The following PCDHA10 variants were observed in gnomAD, a reference collection of about 807,000 sequenced individuals.
The protein encoded by PCDHA10 is protocadherin alpha-10.
Under a neutral mutation model 61.2 loss-of-function variants are expected in PCDHA10, and 45 were observed. That is an observed-to-expected ratio of 0.74 (90% confidence interval 0.58 to 0.94). The LOEUF (loss-of-function observed/expected upper bound fraction) is 0.94, where lower values mean the gene tolerates loss of function less well. PCDHA10 is among the 40% of genes least tolerant of loss of function. The pLI is 0.00. For missense variants in PCDHA10, 1,278 were observed against 1,236.2 expected (o/e 1.03, Z -0.51); for synonymous variants, 602 against 548.8 (o/e 1.10, Z -1.35).
intron 3 of PCDHA10, among the ~76,000 whole-genome samples, chr5:140,996,256 A>C (rs2097718697): frequency 6.6e-6 from 1 of 152,252 alleles, no homozygotes. Flanking sequence ...TGACAGCAAC[A>C]CAGAGCCTGG....
At chr5:140,955,623 T>C (rs2095210763) in intron 1 of PCDHA10, among the ~76,000 whole-genome samples, 1 of 152,208 alleles carries the variant, frequency 6.6e-6, no homozygotes, top group Non-Finnish European at 1.5e-5. Context: ...GGCAGTTCTT[T>C]ATAGCAGTGT....
chr5:140,972,754 C>T (rs782389999), intron 1 of PCDHA10, among the ~76,000 whole-genome samples: 1 of 151,316 alleles, frequency 6.6e-6, no homozygotes, highest in African/African-American at 2.4e-5. Flanking sequence ...ACCTCCGCCT[C>T]CCAAGTTAAA....
rs560256618 is a variant in PCDHA10 at position 140,999,889 on chromosome 5, C to T, written c.2537-9738C>T. Among the ~76,000 whole-genome samples the T allele has an allele frequency of 2.0e-5, 3 of 152,292 alleles. No homozygotes were observed. In the East Asian group the frequency reaches 5.8e-4, roughly 29 times the overall value. ...TTACTGAAAATTAGCCCAGCTGTAG[C>T]TTGGGACACCAAACAGCCAAAAAAT... On this transcript the variant is annotated intron_variant, in intron 3 of 3. Coordinates refer to ENST00000307360, the MANE Select transcript of PCDHA10 (RefSeq NM_018901.4).
chr5:140,935,985 C>G (rs155825), intron 1 of PCDHA10, among the ~76,000 whole-genome samples: 1 of 150,926 alleles, frequency 6.6e-6, no homozygotes, highest in Admixed American at 6.6e-5. Context: ...CTCTGCCTCC[C>G]GGGTTCAAGC....
At chr5:140,911,677 C>T (rs904570548) in intron 1 of PCDHA10, among the ~76,000 whole-genome samples, 4 of 152,118 alleles carry the variant, frequency 2.6e-5, no homozygotes, top group African/African-American at 7.2e-5. Flanking sequence ...TCTCACGAAC[C>T]GTGCATCAGG....
intron 1 of PCDHA10, among the ~76,000 whole-genome samples, chr5:140,908,078 A>T (rs1047293736): frequency 6.6e-6 from 1 of 152,202 alleles, no homozygotes; most frequent in Non-Finnish European, 1.5e-5. Context: ...AAAGTGCACA[A>T]CCAGGTGCAC....
At position 140,876,825 on chromosome 5, in the gene PCDHA10, T is replaced by C. The variant is rs200732511; in HGVS notation, c.2388+18389T>C. ...TGGAGGTGGCCGACGTGAACGACAA[T>C]GCGCCTGCGTTCGCGCAGCCCGAGT... On this transcript the variant is annotated intron_variant, in intron 1 of 3. Transcript: ENST00000307360. The C allele has an allele frequency of 2.4e-4, 380 of 1,614,056 alleles. 4 individuals carry two copies. The East Asian group carries it at 3.4e-3, about 15-fold the overall frequency.
At chr5:140,876,033 T>A in intron 1 of PCDHA10, 1 of 1,613,668 alleles carries the variant, frequency 6.2e-7, no homozygotes, top group South Asian at 1.1e-5. Context: ...CAAAAAAAGA[T>A]AAAAGTATAT....
chr5:140,979,961 C>G (rs1554241296), intron 2 of PCDHA10, among the ~76,000 whole-genome samples: 1 of 152,054 alleles, frequency 6.6e-6, no homozygotes, highest in Non-Finnish European at 1.5e-5. Context: ...TAGTTTTAGC[C>G]CATTAAAATG....
At chr5:140,872,614 T>G (rs1001550468) in intron 1 of PCDHA10, among the ~76,000 whole-genome samples, 1 of 152,320 alleles carries the variant, frequency 6.6e-6, no homozygotes, top group Admixed American at 6.5e-5. Flanking sequence ...TAATTTTTTT[T>G]GCCTGTTCTT....
intron 1 of PCDHA10, chr5:140,930,019 T>G (rs1454076883): frequency 6.6e-6 from 1 of 152,222 alleles, no homozygotes; most frequent in Non-Finnish European, 1.5e-5. Context: ...GATAGCTCCA[T>G]AGCAGTGTTT....
intron 1 of PCDHA10, among the ~76,000 whole-genome samples, chr5:140,921,878 A>C (rs2153562324): frequency 6.6e-6 from 1 of 152,204 alleles, no homozygotes; most frequent in South Asian, 2.1e-4. Context: ...TATATATATA[A>C]GATTTTAGAA....
intron 1 of PCDHA10, among the ~76,000 whole-genome samples, chr5:140,943,341 G>T (rs1021651625): frequency 5.3e-5 from 8 of 151,780 alleles, no homozygotes; most frequent in African/African-American, 1.9e-4. Context: ...CATTGGACAG[G>T]ATGAGAGTAG....
chr5:140,952,709 T>C (rs2094784758), intron 1 of PCDHA10, among the ~76,000 whole-genome samples: 1 of 152,208 alleles, frequency 6.6e-6, no homozygotes, highest in Non-Finnish European at 1.5e-5. Flanking sequence ...CCACTCTCAG[T>C]ATCAATTTTC....
chr5:140,927,720 G>T lies in PCDHA10; in HGVS notation c.2389-51229G>T. The T allele has an allele frequency of 3.1e-6, 5 of 1,614,174 alleles. No homozygotes were observed. The Middle Eastern group carries it at 4.9e-4, about 160-fold the overall frequency. On this transcript the variant is annotated intron_variant, in intron 1 of 3. Coordinates refer to ENST00000307360, the MANE Select transcript of PCDHA10 (RefSeq NM_018901.4). ...TCCAGTACTCCCTAAGCAACAGCACGCAAGCAGAGCTGCGACACCGCTTTC... is the reference window on the plus strand; with the variant it reads ...TCCAGTACTCCCTAAGCAACAGCACTCAAGCAGAGCTGCGACACCGCTTTC...
chr5:140,879,787 T>C (rs1409881516), intron 1 of PCDHA10, among the ~76,000 whole-genome samples: 2 of 152,204 alleles, frequency 1.3e-5, no homozygotes. Flanking sequence ...AATCTGGTTT[T>C]TGTTTCTTCC....
At chr5:140,961,083 T>C (rs1470868954) in intron 1 of PCDHA10, among the ~76,000 whole-genome samples, 1 of 152,198 alleles carries the variant, frequency 6.6e-6, no homozygotes, top group Non-Finnish European at 1.5e-5. Context: ...ATCAAGTAAT[T>C]GTTGACTTTT....
At chr5:140,923,397 G>A (rs1392831353) in intron 1 of PCDHA10, among the ~76,000 whole-genome samples, 2 of 152,128 alleles carry the variant, frequency 1.3e-5, no homozygotes, top group East Asian at 3.9e-4. Flanking sequence ...GCATGGTGGT[G>A]TGTGCCTATA....
rs191125107 is a variant in PCDHA10 at position 140,991,229 on chromosome 5, G to A, written c.2536+8666G>A. 1.4e-3 allele frequency among the ~76,000 whole-genome samples: 211 copies of A among 152,246 alleles called. 1 individual carries two copies. The highest frequency in any genetic ancestry group is 4.8e-3 in the African/African-American group (201 of 41,560). On this transcript the variant is annotated intron_variant, in intron 3 of 3. Coordinates refer to ENST00000307360, the MANE Select transcript of PCDHA10 (RefSeq NM_018901.4). ...AATTTTGTTAAATTCATTAATAAAT[G>A]CAGTGGTAAAGGCAGTATTTGAACT... is the stretch of plus-strand genomic sequence containing the variant.
Sources: allele counts gnomAD v4.1 joint callset (sites outside exome capture counted in the v4.1 genomes callset), GRCh38; gene constraint gnomAD v4.1.1; transcripts MANE v1.5; gene names NCBI Gene and HGNC (gene_info 2026-07-23, HGNC 2026-07-21).